PTCHD4: variants seen among roughly 807,000 people sequenced by gnomAD.
PTCHD4 encodes the protein patched domain-containing protein 4.
A neutral mutation model predicts 58.1 loss-of-function variants in PTCHD4; 33 were observed. That is an observed-to-expected ratio of 0.57 (90% CI 0.43 to 0.76). The LOEUF is 0.76. Ranked by LOEUF, PTCHD4 falls within the 30% of genes least tolerant of loss-of-function variation. The probability of loss-of-function intolerance (pLI) is 0.00; values close to 1 mark genes in which losing one functional copy is unlikely to be tolerated. For synonymous variants in PTCHD4, 478 were observed against 409.6 expected (o/e 1.17, Z -2.02); for missense variants, 1,058 against 1,027.1 (o/e 1.03, Z -0.41).
chr6:47,892,808 G>A (rs1450231737), intron 4 of PTCHD4, among the ~76,000 whole-genome samples: 1 of 152,152 alleles, frequency 6.6e-6, no homozygotes, highest in Non-Finnish European at 1.5e-5. Flanking sequence ...TGAATGTTTT[G>A]TGGCCTTTCT....
intron 3 of PTCHD4, among the ~76,000 whole-genome samples, chr6:48,031,893 G>A (rs1417939063): frequency 6.6e-6 from 1 of 152,052 alleles, no homozygotes; most frequent in Non-Finnish European, 1.5e-5. Flanking sequence ...CAGATCCTAA[G>A]AATAGTTTTC....
At chr6:47,899,474 T>C (rs903340236) in intron 4 of PTCHD4, 4 of 473,306 alleles carry the variant, frequency 8.5e-6, no homozygotes, top group African/African-American at 6.4e-5. Flanking sequence ...TTGAAGATTC[T>C]TGAGTTTGAA....
intron 4 of PTCHD4, among the ~76,000 whole-genome samples, chr6:47,906,217 TGAATA>T (rs1273679531): frequency 6.6e-6 from 1 of 152,190 alleles, no homozygotes; most frequent in East Asian, 1.9e-4. Flanking sequence ...AAGAGTTTAA[TGAATA>T]TTAGTTAAAC....
At chr6:47,923,768 T>C (rs1182026621) in intron 4 of PTCHD4, among the ~76,000 whole-genome samples, 1 of 152,226 alleles carries the variant, frequency 6.6e-6, no homozygotes, top group Non-Finnish European at 1.5e-5. Flanking sequence ...GACATAAAAA[T>C]GAGTTTGAAC....
chr6:48,067,838 T>C (rs1473430707), intron 3 of PTCHD4, among the ~76,000 whole-genome samples: 2 of 152,154 alleles, frequency 1.3e-5, no homozygotes, highest in Admixed American at 1.3e-4. Flanking sequence ...TTTTTTATTT[T>C]TGGTATTTGT....
intron 3 of PTCHD4, among the ~76,000 whole-genome samples, chr6:48,038,636 G>T (rs1763733141): frequency 7.0e-6 from 1 of 142,184 alleles, no homozygotes; most frequent in Non-Finnish European, 1.5e-5. Context: ...CTGCATTCCA[G>T]CCTGGGCGAC....
chr6:47,998,868 G>T (rs1581994874), intron 4 of PTCHD4, among the ~76,000 whole-genome samples: 1 of 152,052 alleles, frequency 6.6e-6, no homozygotes, highest in East Asian at 1.9e-4. Flanking sequence ...AAATAGGCAA[G>T]AAAATTAAAA....
At chr6:48,003,350 T>C (rs1019870456) in intron 4 of PTCHD4, among the ~76,000 whole-genome samples, 4 of 152,276 alleles carry the variant, frequency 2.6e-5, no homozygotes, top group African/African-American at 9.6e-5. Context: ...TCTCATGACT[T>C]CACTACTGCA....
At chr6:47,907,583 A>T (rs12526808) in intron 4 of PTCHD4, among the ~76,000 whole-genome samples, 2 of 152,012 alleles carry the variant, frequency 1.3e-5, no homozygotes, top group Admixed American at 6.5e-5. Context: ...GAAGCCCATG[A>T]CTTGGAAATG....
chr6:47,963,774 G>A (rs1267911659), intron 4 of PTCHD4, among the ~76,000 whole-genome samples: 3 of 151,874 alleles, frequency 2.0e-5, no homozygotes, highest in East Asian at 1.9e-4. Flanking sequence ...TTTTTTAATC[G>A]TTACAATACT....
chr6:48,054,964 C>T (rs1764357380), intron 3 of PTCHD4, among the ~76,000 whole-genome samples: 1 of 152,060 alleles, frequency 6.6e-6, no homozygotes, highest in African/African-American at 2.4e-5. Context: ...CTAACAATAC[C>T]ATTTTTTGAT....
intron 4 of PTCHD4, among the ~76,000 whole-genome samples, chr6:47,892,207 G>GA (rs1227795132): frequency 2.6e-5 from 4 of 152,092 alleles, no homozygotes; most frequent in Non-Finnish European, 2.9e-5. Flanking sequence ...GAGTGGGGCT[G>GA]AAAATCTTAC....
chr6:47,951,055 A>T (rs1449927169), intron 4 of PTCHD4, among the ~76,000 whole-genome samples: 1 of 152,200 alleles, frequency 6.6e-6, no homozygotes, highest in Non-Finnish European at 1.5e-5. Context: ...TTTTGCAATA[A>T]ATGTGAGCAA....
rs188579914 is a variant in PTCHD4, at chr6:47,861,682, A to G, written c.*16621T>C. Among the ~76,000 whole-genome samples, 2 of 152,124 alleles carry G rather than the reference A, an allele frequency of 1.3e-5. No homozygotes were observed. Among genetic ancestry groups the G allele is most frequent in the Non-Finnish European group, 2.9e-5 (2 of 67,914 alleles). On this transcript the variant is annotated 3_prime_UTR_variant, in exon 5 of 5. Coordinates refer to ENST00000339488, the MANE Select transcript of PTCHD4 (RefSeq NM_001384253.1). ...TTAATAGCAGGTTAATTAGGTTAATAGCAGGCAAATAAATAATAACTCTAG... is the reference window on the plus strand; with the variant it reads ...TTAATAGCAGGTTAATTAGGTTAATGGCAGGCAAATAAATAATAACTCTAG...
rs532098206 is a variant in PTCHD4 at position 47,859,012 on chromosome 6, G to C, written c.*19291C>G. 5.3e-4 allele frequency among the ~76,000 whole-genome samples: 81 copies of C among 152,080 alleles called. No homozygotes were observed. The highest frequency in any genetic ancestry group is 1.0e-3 in the Non-Finnish European group (71 of 67,964). ...CATTAATGTGAGCTTGGAAACAGCA[G>C]GTAGAAAACCAATAAATTATTCATT... is the stretch of plus-strand genomic sequence containing the variant. On this transcript the variant is annotated 3_prime_UTR_variant, in exon 5 of 5. Transcript: ENST00000339488.
chr6:48,095,897 T>C (rs1765461930), intron 1 of PTCHD4, among the ~76,000 whole-genome samples: 1 of 152,124 alleles, frequency 6.6e-6, no homozygotes, highest in African/African-American at 2.4e-5. Flanking sequence ...CCTAACCTCA[T>C]ATTATCATCT....
At position 47,866,219 on chromosome 6, in the gene PTCHD4, G is replaced by A. The variant is rs982764982; in HGVS notation, c.*12084C>T. Among the ~76,000 whole-genome samples, 2 of 151,824 alleles carry A rather than the reference G, an allele frequency of 1.3e-5. No individual in the cohort carries two copies. Among genetic ancestry groups the A allele is most frequent in the African/African-American group, 4.8e-5 (2 of 41,378 alleles). The stretch of plus-strand genomic sequence containing the variant: ...CTTCACTTAATAAAAGGCTCTATCA[G>A]TATTTATTGGATTAAATGTGTTGAC... On this transcript the variant is annotated 3_prime_UTR_variant, in exon 5 of 5. Coordinates refer to ENST00000339488, the MANE Select transcript of PTCHD4 (RefSeq NM_001384253.1).
chr6:47,978,852 C>T (rs1767784013), intron 4 of PTCHD4, among the ~76,000 whole-genome samples: 3 of 152,098 alleles, frequency 2.0e-5, no homozygotes, highest in Admixed American at 2.0e-4. Flanking sequence ...AGTACACAGA[C>T]TCATCCTCTG....
chr6:47,951,117 T>A (rs981281264), intron 4 of PTCHD4, among the ~76,000 whole-genome samples: 2 of 152,222 alleles, frequency 1.3e-5, no homozygotes, highest in African/African-American at 2.4e-5. Context: ...GAATTTTTTT[T>A]AAATAGGAGA....
Sources: allele counts gnomAD v4.1 joint callset (sites outside exome capture counted in the v4.1 genomes callset), GRCh38; gene constraint gnomAD v4.1.1; transcripts MANE v1.5; gene names NCBI Gene and HGNC (gene_info 2026-07-23, HGNC 2026-07-21).